The following RAP1GDS1 variants were observed in gnomAD, a reference collection of about 807,000 sequenced individuals.
RAP1GDS1 encodes RAP1, GTP-GDP dissociation stimulator 1.
A neutral mutation model predicts 71.1 loss-of-function variants in RAP1GDS1; 35 were observed. That is an observed-to-expected ratio of 0.49 (90% CI 0.38 to 0.65). The LOEUF (loss-of-function observed/expected upper bound fraction) is 0.65, where lower values mean the gene tolerates loss of function less well. Ranked by LOEUF, RAP1GDS1 falls within the 30% of genes least tolerant of loss-of-function variation. The pLI, the probability that RAP1GDS1 is intolerant of heterozygous loss-of-function variation, is 0.00. For missense variants in RAP1GDS1, 663 were observed against 706.1 expected (o/e 0.94, Z 0.69); for synonymous variants, 229 against 243.1 (o/e 0.94, Z 0.54).
intron 2 of RAP1GDS1, among the ~76,000 whole-genome samples, chr4:98,331,341 A>G (rs1733984596): frequency 6.8e-6 from 1 of 146,078 alleles, no homozygotes; most frequent in Non-Finnish European, 1.5e-5. Context: ...GACAGAGACC[A>G]CGGAGAGGGA....
intron 1 of RAP1GDS1, 122 bp downstream of exon 1, chr4:98,261,691 T>C (rs956543975): frequency 2.3e-5 from 29 of 1,274,786 alleles, no homozygotes; most frequent in Non-Finnish European, 2.9e-5. Context: ...TGTGAGACGG[T>C]GGCTGTTCCT....
chr4:98,283,751 G>A (rs1725555280), intron 1 of RAP1GDS1, among the ~76,000 whole-genome samples: 1 of 150,842 alleles, frequency 6.6e-6, no homozygotes, highest in Admixed American at 6.6e-5. Context: ...AAGCTAAAGT[G>A]TGTATTCAGC....
chr4:98,299,970 C>T (rs1437281623), intron 2 of RAP1GDS1, among the ~76,000 whole-genome samples: 1 of 152,080 alleles, frequency 6.6e-6, no homozygotes, highest in African/African-American at 2.4e-5. Flanking sequence ...ATGCTGTGAA[C>T]ATTGAAATGA....
intron 5 of RAP1GDS1, among the ~76,000 whole-genome samples, chr4:98,380,006 C>T (rs922328548): frequency 1.3e-5 from 2 of 150,656 alleles, no homozygotes; most frequent in African/African-American, 4.9e-5. Context: ...TGTAGAAACA[C>T]GTGGCCCTTT....
intron 2 of RAP1GDS1, among the ~76,000 whole-genome samples, chr4:98,330,705 G>A (rs575506031): frequency 1.3e-5 from 2 of 150,542 alleles, no homozygotes; most frequent in Non-Finnish European, 3.0e-5. Context: ...AGACTGGGTG[G>A]CTGGGCAGAG....
intron 13 of RAP1GDS1, 120 bp from the exon 14 acceptor site, chr4:98,436,820 A>G (rs1751203882): frequency 2.1e-6 from 2 of 966,508 alleles, no homozygotes; most frequent in African/African-American, 1.7e-5. Flanking sequence ...TTTCTAGGTC[A>G]TTATTATTTA....
rs184893394 is a variant in RAP1GDS1 at position 98,318,350 on chromosome 4, C to T, written c.113-24789C>T. On this transcript the variant is annotated intron_variant, in intron 2 of 14. Transcript: ENST00000408927. ...AACCCTCTGTATACAATGTTTTTTCCGGTACATACATACTTGTGATAAAGT... is the reference window on the plus strand; with the variant it reads ...AACCCTCTGTATACAATGTTTTTTCTGGTACATACATACTTGTGATAAAGT... Among the ~76,000 whole-genome samples the T allele has an allele frequency of 2.6e-3, 390 of 152,122 alleles. 1 individual carries two copies. The highest frequency in any genetic ancestry group is 3.7e-3 in the Non-Finnish European group (252 of 68,002).
intron 4 of RAP1GDS1, among the ~76,000 whole-genome samples, chr4:98,369,359 A>G (rs1474358170): frequency 6.6e-6 from 1 of 152,196 alleles, no homozygotes; most frequent in East Asian, 1.9e-4. Flanking sequence ...ATACACACCT[A>G]TGATATGATC....
rs34314578 is a variant in RAP1GDS1 at position 98,325,920 on chromosome 4, T to TAA, written c.113-17209_113-17208dup. Reference sequence around the variant, plus strand: ...ACATGTACCCTAAAACTTAAAGTATTAAAAAAAAAAAGATTCAGTGTAGTT... The same window carrying TAA: ...ACATGTACCCTAAAACTTAAAGTATTAAAAAAAAAAAAAGATTCAGTGTAGTT... On this transcript the variant is annotated intron_variant, in intron 2 of 14. Transcript: ENST00000408927. 3.7e-3 allele frequency among the ~76,000 whole-genome samples: 554 copies of TAA among 148,564 alleles called. 4 individuals carry two copies. Among genetic ancestry groups the TAA allele is most frequent in the African/African-American group, 0.013 (510 of 40,504 alleles).
chr4:98,420,797 C>T (rs1342898952), intron 11 of RAP1GDS1, among the ~76,000 whole-genome samples: 1 of 152,142 alleles, frequency 6.6e-6, no homozygotes, highest in African/African-American at 2.4e-5. Context: ...TTTACCTTGG[C>T]TTTGAAATCA....
intron 14 of RAP1GDS1, 180 bp from the exon 15 acceptor site, chr4:98,441,810 A>AT (rs1458577524): frequency 4.4e-5 from 25 of 561,974 alleles, no homozygotes; most frequent in Non-Finnish European, 5.2e-5. Flanking sequence ...AGTTTTTATG[A>AT]TTTTTTTAAA....
chr4:98,309,551 C>T (rs1729893134), intron 2 of RAP1GDS1, among the ~76,000 whole-genome samples: 1 of 151,780 alleles, frequency 6.6e-6, no homozygotes, highest in Non-Finnish European at 1.5e-5. Context: ...AAAAGATTAG[C>T]TCTTGGCTCT....
At chr4:98,335,788 CT>C (rs11416870) in intron 2 of RAP1GDS1, among the ~76,000 whole-genome samples, 11 of 141,644 alleles carry the variant, frequency 7.8e-5, no homozygotes, top group East Asian at 2.0e-4. Context: ...GACTTCTTAC[CT>C]TTTTTTTTTT....
At chr4:98,356,030 T>A (rs1202378850) in intron 4 of RAP1GDS1, among the ~76,000 whole-genome samples, 1 of 152,158 alleles carries the variant, frequency 6.6e-6, no homozygotes, top group Non-Finnish European at 1.5e-5. Context: ...CGAACAGACT[T>A]CTGATATAAG....
At chr4:98,354,308 C>A (rs1029540831) in intron 4 of RAP1GDS1, among the ~76,000 whole-genome samples, 2 of 151,574 alleles carry the variant, frequency 1.3e-5, no homozygotes, top group Non-Finnish European at 2.9e-5. Context: ...ATGATCCACC[C>A]GCCTCGGCCT....
At chr4:98,289,115 GAT>G (rs1726509835) in intron 1 of RAP1GDS1, among the ~76,000 whole-genome samples, 1 of 152,026 alleles carries the variant, frequency 6.6e-6, no homozygotes, top group Non-Finnish European at 1.5e-5. Flanking sequence ...TTTTACTGTA[GAT>G]ATGTCACCTA....
At chr4:98,419,313 TAAA>T (rs1428339154) in intron 10 of RAP1GDS1, among the ~76,000 whole-genome samples, 1 of 152,088 alleles carries the variant, frequency 6.6e-6, no homozygotes, top group Non-Finnish European at 1.5e-5. Flanking sequence ...CTTTGCCTCC[TAAA>T]GTGCTGGGAT....
chr4:98,339,399 C>T (rs1735160689), intron 2 of RAP1GDS1, among the ~76,000 whole-genome samples: 6 of 152,154 alleles, frequency 3.9e-5, no homozygotes, highest in Admixed American at 3.9e-4. Flanking sequence ...CATTCTCAAA[C>T]ATTTTTGTCA....
chr4:98,406,612 AAGAT>A (rs1244377578), intron 7 of RAP1GDS1, among the ~76,000 whole-genome samples: 7 of 152,090 alleles, frequency 4.6e-5, no homozygotes, highest in East Asian at 1.9e-4. Flanking sequence ...TTTATAGAAT[AAGAT>A]AGAAGAATAA....
Sources: gnomAD v4.1 joint callset for allele counts (sites outside exome capture counted in the v4.1 genomes callset) on GRCh38, gnomAD v4.1.1 for gene constraint, MANE v1.5 for transcripts, NCBI Gene and HGNC (gene_info 2026-07-23, HGNC 2026-07-21) for gene names.